CFAP61: variants seen among roughly 807,000 people sequenced by gnomAD.
CFAP61 encodes cilia- and flagella-associated protein 61.
CFAP61 carries 107 observed loss-of-function variants against 135.6 expected under a neutral mutation model. That is an observed-to-expected ratio of 0.79 (90% confidence interval 0.67 to 0.93). CFAP61 has a LOEUF of 0.93. Ranked by LOEUF, CFAP61 falls within the 40% of genes least tolerant of loss-of-function variation. The pLI is 0.00. For synonymous variants in CFAP61, 575 were observed against 578.5 expected (o/e 0.99, Z 0.09); for missense variants, 1,507 against 1,556.2 (o/e 0.97, Z 0.53).
chr20:20,293,316 G>T (rs188430530), intron 24 of CFAP61, among the ~76,000 whole-genome samples: 1 of 152,290 alleles, frequency 6.6e-6, no homozygotes, highest in East Asian at 1.9e-4. Context: ...AGATTCTTTG[G>T]CTGGTGCTAT....
chr20:20,344,272 A>G (rs2058556654), intron 26 of CFAP61, among the ~76,000 whole-genome samples: 1 of 152,242 alleles, frequency 6.6e-6, no homozygotes, highest in Non-Finnish European at 1.5e-5. Context: ...GCGATGGCAC[A>G]GAAGAGTGGC....
chr20:20,233,557 G>A (rs951863391), intron 18 of CFAP61, among the ~76,000 whole-genome samples: 7 of 152,288 alleles, frequency 4.6e-5, no homozygotes, highest in Admixed American at 2.6e-4. Context: ...GGCTGGTCTG[G>A]TGGCCAGAGC....
At chr20:20,166,302 C>T in intron 11 of CFAP61, 95 bp from the exon 12 acceptor site, 1 of 1,011,352 alleles carries the variant, frequency 9.9e-7, no homozygotes, top group Non-Finnish European at 1.5e-6. Context: ...TGGCTAATCG[C>T]TGCCCGAGGG....
intron 26 of CFAP61, among the ~76,000 whole-genome samples, chr20:20,347,803 C>A (rs778435841): frequency 1.3e-5 from 2 of 151,804 alleles, no homozygotes; most frequent in African/African-American, 4.8e-5. Context: ...CATGGTGGCA[C>A]ATATCTGTAA....
intron 8 of CFAP61, among the ~76,000 whole-genome samples, chr20:20,123,166 A>G (rs2049803542): frequency 6.6e-6 from 1 of 151,180 alleles, no homozygotes; most frequent in Non-Finnish European, 1.5e-5. Flanking sequence ...GATTCTGGAT[A>G]TTAGTCCTTT....
At chr20:20,294,082 T>A (rs1450577600) in intron 24 of CFAP61, among the ~76,000 whole-genome samples, 1 of 152,258 alleles carries the variant, frequency 6.6e-6, no homozygotes, top group Admixed American at 6.5e-5. Flanking sequence ...TCCAAATTTT[T>A]AAACAATTTG....
chr20:20,136,306 C>T (rs1473514382), intron 8 of CFAP61, among the ~76,000 whole-genome samples: 1 of 152,092 alleles, frequency 6.6e-6, no homozygotes, highest in African/African-American at 2.4e-5. Flanking sequence ...CTGTTACTAT[C>T]CCCTTGAATA....
chr20:20,181,764 A>G lies in CFAP61; in HGVS notation c.1386-6166A>G, dbSNP rs1351964245. Among the ~76,000 whole-genome samples, 3 of 152,214 alleles carry G rather than the reference A, an allele frequency of 2.0e-5. No homozygotes were observed. The East Asian group carries it at 5.8e-4, about 29-fold the overall frequency. The stretch of plus-strand genomic sequence containing the variant: ...ACTGATTCAAGGTAGCTTTAGAACT[A>G]TGCTTGCACCCTTGGGAAAAGAACA... On this transcript the variant is annotated intron_variant, in intron 13 of 26. Coordinates refer to ENST00000245957, the MANE Select transcript of CFAP61 (RefSeq NM_015585.4).
At chr20:20,129,619 T>G (rs577494619) in intron 8 of CFAP61, among the ~76,000 whole-genome samples, 2 of 148,002 alleles carry the variant, frequency 1.4e-5, no homozygotes, top group African/African-American at 5.0e-5. Flanking sequence ...TTTGGAAAGT[T>G]TTTTTTTTTT....
intron 17 of CFAP61, chr20:20,225,932 A>T (rs577453299): frequency 2.6e-5 from 4 of 152,354 alleles, no homozygotes; most frequent in African/African-American, 9.6e-5. Context: ...ACAATTCCTC[A>T]TGGATCTGTG....
intron 25 of CFAP61, among the ~76,000 whole-genome samples, chr20:20,311,816 A>G (rs956856845): frequency 1.3e-5 from 2 of 152,200 alleles, no homozygotes; most frequent in African/African-American, 4.8e-5. Flanking sequence ...AAAGGATTAG[A>G]AAAAGCATGA....
chr20:20,223,219 A>G (rs1005385337), intron 17 of CFAP61, among the ~76,000 whole-genome samples: 1 of 152,204 alleles, frequency 6.6e-6, no homozygotes. Flanking sequence ...ATTTGCAGAC[A>G]TTTTTAAAAG....
At chr20:20,304,156 C>G (rs759756602) in intron 25 of CFAP61, among the ~76,000 whole-genome samples, 2 of 152,130 alleles carry the variant, frequency 1.3e-5, no homozygotes, top group African/African-American at 4.8e-5. Flanking sequence ...AGCGAAGTGT[C>G]TGCGGCCCAG....
At chr20:20,119,640 AT>A (rs35385716) in intron 8 of CFAP61, among the ~76,000 whole-genome samples, 18,992 of 151,622 alleles carry the variant, frequency 0.13, 1,359 homozygotes, top group Non-Finnish European at 0.15. Flanking sequence ...TGAAGAAATG[AT>A]TTTTTTTTAA....
intron 26 of CFAP61, among the ~76,000 whole-genome samples, chr20:20,356,126 T>G (rs1302095817): frequency 5.5e-4 from 30 of 54,166 alleles, no homozygotes; most frequent in South Asian, 9.5e-4. Flanking sequence ...TGAGGGGAGG[T>G]AGTCACACTG....
At position 20,052,535 on chromosome 20, in the gene CFAP61, C is replaced by G. The variant is rs755883285; in HGVS notation, c.-93C>G. 2 of 1,614,232 alleles carry G rather than the reference C, an allele frequency of 1.2e-6. No individual in the cohort carries two copies. The highest frequency in any genetic ancestry group is 8.5e-7 in the Non-Finnish European group (1 of 1,180,040). ...CGGCACCGTTTCCATGGTGACCAGG[C>G]TGCGCGTCCTCCTTGCGGCAGCGCG... is the stretch of plus-strand genomic sequence containing the variant. On this transcript the variant is annotated 5_prime_UTR_variant, in exon 1 of 27. Coordinates refer to ENST00000245957, the MANE Select transcript of CFAP61 (RefSeq NM_015585.4).
intron 8 of CFAP61, among the ~76,000 whole-genome samples, chr20:20,126,457 C>G (rs1314981241): frequency 6.6e-6 from 1 of 151,820 alleles, no homozygotes; most frequent in East Asian, 1.9e-4. Flanking sequence ...AAGACTGTAT[C>G]TTTCCTTCAT....
intron 9 of CFAP61, among the ~76,000 whole-genome samples, chr20:20,152,659 A>G (rs2052549751): frequency 6.6e-6 from 1 of 152,144 alleles, no homozygotes; most frequent in Non-Finnish European, 1.5e-5. Flanking sequence ...AATCAGTCCT[A>G]CAGGAAAATA....
At position 20,298,220 on chromosome 20, in the gene CFAP61, T is replaced by TA. The variant is rs2055794106; in HGVS notation, c.3257dup (p.Tyr1086Ter). 3.7e-6 allele frequency: 6 copies of TA among 1,614,180 alleles called. No individual in the cohort carries two copies. The highest frequency in any genetic ancestry group is 5.1e-6 in the Non-Finnish European group (6 of 1,180,028). ...AACCGGCAGTGCGAAAAATGGGACT[T>TA]ACTTCCGAATTCATATTAACAAGTA... The part of the protein sequence containing the change: ...LVTGSAKNGT[Y>*]FRIHINKYKM... The change falls in exon 25 of 27, where the codon TAC (tyrosine) becomes TAAC (stop). Residue 1086 changes from tyrosine to a stop codon, truncating the protein, a stop_gained and frameshift_variant. Coordinates refer to ENST00000245957, the MANE Select transcript of CFAP61 (RefSeq NM_015585.4). LOFTEE classifies it high-confidence loss of function.
Sources: gnomAD v4.1 joint callset for allele counts (sites outside exome capture counted in the v4.1 genomes callset) on GRCh38, gnomAD v4.1.1 for gene constraint, MANE v1.5 for transcripts, NCBI Gene and HGNC (gene_info 2026-07-23, HGNC 2026-07-21) for gene names.